The following ILDR2 variants were observed in gnomAD, a reference collection of about 807,000 sequenced individuals.
ILDR2 encodes the protein immunoglobulin-like domain-containing receptor 2.
Under a neutral mutation model 66.8 loss-of-function variants are expected in ILDR2, and 25 were observed. That is an observed-to-expected ratio of 0.37 (90% CI 0.27 to 0.52). The LOEUF is 0.52. Ranked by LOEUF, ILDR2 falls within the 20% of genes least tolerant of loss-of-function variation. The probability of loss-of-function intolerance (pLI) is 0.88; values close to 1 mark genes in which losing one functional copy is unlikely to be tolerated. For missense variants in ILDR2, 827 were observed against 876.8 expected (o/e 0.94, Z 0.72); for synonymous variants, 367 against 357.2 (o/e 1.03, Z -0.31).
intron 5 of ILDR2, 76 bp from the exon 6 acceptor site, chr1:166,935,553 G>A: frequency 1.5e-6 from 2 of 1,374,210 alleles, no homozygotes; most frequent in Non-Finnish European, 2.0e-6. Flanking sequence ...AATCCCTGAG[G>A]ATGCACTTCA....
rs1395509365 is a variant in ILDR2, at chr1:166,896,979, A to G, written n.172-878T>C. Among the ~76,000 whole-genome samples the G allele has an allele frequency of 2.0e-5, 3 of 152,212 alleles. No individual in the cohort carries two copies. In the East Asian group the frequency reaches 5.8e-4, roughly 29 times the overall value. On this transcript the variant is annotated intron_variant and non_coding_transcript_variant, in intron 2 of 2. Transcript: ENST00000414590. ...AAATTAGGCTCCCAGAAACTTTGAA[A>G]TTACATATGCAGCTTACATTATGTT...
chr1:166,969,720 G>A (rs1327797832), intron 1 of ILDR2, among the ~76,000 whole-genome samples: 1 of 152,184 alleles, frequency 6.6e-6, no homozygotes, highest in Non-Finnish European at 1.5e-5. Context: ...CCCCATAATA[G>A]ACACCATGTA....
At chr1:166,956,339 G>C (rs1348975593) in intron 3 of ILDR2, among the ~76,000 whole-genome samples, 2 of 152,178 alleles carry the variant, frequency 1.3e-5, no homozygotes, top group Non-Finnish European at 2.9e-5. Flanking sequence ...TGTCTCCAGA[G>C]GTTCTGACAC....
Position 166,914,116 on chromosome 1 carries a change from CAAA to C in ILDR2, c.*5236_*5238del, listed in dbSNP as rs11443216. 5.2e-5 allele frequency: 7 copies of C among 135,676 alleles called. No homozygotes were observed. Among genetic ancestry groups the C allele is most frequent in the Non-Finnish European group, 4.7e-5 (3 of 64,076 alleles). The allele number at this position is 135,676 out of a possible 1,614,324, so 8.4% of individuals were successfully genotyped here. ...TGGGCCACAGAGCAAGACCCTGTCT[CAAA>C]AAAAAAAAAAAGAAAGAAAAAGAAA... is the stretch of plus-strand genomic sequence containing the variant. On this transcript the variant is annotated 3_prime_UTR_variant, in exon 10 of 10. Transcript: ENST00000271417.
intron 1 of ILDR2, among the ~76,000 whole-genome samples, chr1:166,968,897 T>C (rs1337292903): frequency 2.0e-5 from 3 of 152,086 alleles, no homozygotes; most frequent in Non-Finnish European, 4.4e-5. Flanking sequence ...TGACTACAGG[T>C]CTCATATAAT....
At chr1:166,895,877 G>A (rs952476013) in exon 3 of ILDR2, 1 of 152,192 alleles carries the variant, frequency 6.6e-6, no homozygotes, top group Non-Finnish European at 1.5e-5. Flanking sequence ...CCGATAAACT[G>A]CAGGGAACTT....
At chr1:166,926,578 C>T (rs1660308339) in intron 7 of ILDR2, among the ~76,000 whole-genome samples, 1 of 151,754 alleles carries the variant, frequency 6.6e-6, no homozygotes, top group African/African-American at 2.4e-5. Context: ...AGGCTAGCAC[C>T]CTTCACGTTG....
At chr1:166,971,322 C>T (rs1571219860) in intron 1 of ILDR2, among the ~76,000 whole-genome samples, 1 of 152,310 alleles carries the variant, frequency 6.6e-6, no homozygotes, top group South Asian at 2.1e-4. Flanking sequence ...TCAGCTATCA[C>T]GTTTTCTGGG....
chr1:166,949,222 A>C (rs1454680049), intron 3 of ILDR2, among the ~76,000 whole-genome samples: 4 of 152,262 alleles, frequency 2.6e-5, no homozygotes, highest in Admixed American at 6.5e-5. Flanking sequence ...ACAGCATCCC[A>C]CAAGTTGTGA....
At chr1:166,942,247 A>G (rs1661353614) in intron 3 of ILDR2, among the ~76,000 whole-genome samples, 1 of 152,220 alleles carries the variant, frequency 6.6e-6, no homozygotes, top group Non-Finnish European at 1.5e-5. Flanking sequence ...GTCACTCTAT[A>G]TCACTTTTAG....
chr1:166,921,007 G>A lies in ILDR2; in HGVS notation c.1584C>T (p.Tyr528=), dbSNP rs1280837394. ...PGTAPKYDHS[Y]LGSARERQAR... ...CCTGGCGCTCCCGCGCGCTGCCCAGGTACGAGTGGTCGTATTTGGGTGCGG... is the reference window on the plus strand; with the variant it reads ...CCTGGCGCTCCCGCGCGCTGCCCAGATACGAGTGGTCGTATTTGGGTGCGG... The change falls in exon 9 of 10, where the codon TAC becomes TAT. Residue 528 remains tyrosine, a synonymous_variant. Transcript: ENST00000271417. The surrounding 1 kb of genome is among the most constrained non-coding windows in gnomAD (Gnocchi z 5.3). 23 of 1,512,684 alleles carry A rather than the reference G, an allele frequency of 1.5e-5. No individual in the cohort carries two copies. The highest frequency in any genetic ancestry group is 2.7e-5 in the East Asian group (1 of 37,346). 93.7% of individuals were successfully genotyped at this position (1,512,684 alleles called of 1,614,324 possible).
Position 166,902,925 on chromosome 1 carries a change from C to A in ILDR2, n.171+4128G>T, listed in dbSNP as rs1158669073. On this transcript the variant is annotated intron_variant and non_coding_transcript_variant, in intron 2 of 2. Coordinates refer to the ILDR2 transcript ENST00000414590. ...TTTTTTTCCTTTTCCTTCACTGTCT[C>A]CAAAATTGAATAAATCAACAAGCCT... Among the ~76,000 whole-genome samples the A allele has an allele frequency of 3.3e-5, 5 of 152,092 alleles. No individual in the cohort carries two copies. In the South Asian group the frequency reaches 1.0e-3, roughly 32 times the overall value.
intron 3 of ILDR2, among the ~76,000 whole-genome samples, chr1:166,940,280 G>A (rs1203627051): frequency 6.6e-6 from 1 of 152,178 alleles, no homozygotes; most frequent in African/African-American, 2.4e-5. Context: ...AGGACTCTGG[G>A]AAGCAAAGAG....
chr1:166,950,369 C>G (rs1162219140), intron 3 of ILDR2, among the ~76,000 whole-genome samples: 1 of 152,102 alleles, frequency 6.6e-6, no homozygotes, highest in Non-Finnish European at 1.5e-5. Context: ...GTCAAATCTC[C>G]TTGGTTAGCG....
At chr1:166,919,566 G>A (rs1335858321) in intron 9 of ILDR2, among the ~76,000 whole-genome samples, 176 bp from the exon 10 acceptor site, 4 of 152,196 alleles carry the variant, frequency 2.6e-5, no homozygotes, top group Non-Finnish European at 4.4e-5. Flanking sequence ...AGAGGCTAAA[G>A]CCAGCATACA....
intron 1 of ILDR2, among the ~76,000 whole-genome samples, chr1:166,961,013 T>C (rs1175354432): frequency 6.6e-6 from 1 of 152,232 alleles, no homozygotes; most frequent in Non-Finnish European, 1.5e-5. Context: ...ACCATTCCCA[T>C]ACAAGGCTGT....
chr1:166,914,236 C>T lies in ILDR2; in HGVS notation c.*5119G>A, dbSNP rs1253825887. ...TAGTTGGATGAAGCAGCAACAGTAT[C>T]TGTCTTCATGGCTTCGCCACATCCA... On this transcript the variant is annotated 3_prime_UTR_variant, in exon 10 of 10. Coordinates refer to ENST00000271417, the MANE Select transcript of ILDR2 (RefSeq NM_199351.3). 6.6e-6 allele frequency: 1 copy of T among 152,212 alleles called. No individual in the cohort carries two copies. Among genetic ancestry groups the T allele is most frequent in the Non-Finnish European group, 1.5e-5 (1 of 68,042 alleles). The allele number at this position is 152,212 out of a possible 1,614,324, so 9.4% of individuals were successfully genotyped here.
chr1:166,939,559 G>C lies in ILDR2; in HGVS notation c.511C>G (p.Leu171Val), dbSNP rs1450949967. The change falls in exon 4 of 10, where the codon CTG (leucine) becomes GTG (valine). Residue 171 changes from leucine (L) to valine (V), a missense_variant. Leu to Val is a conservative substitution (Grantham distance 32). Coordinates refer to ENST00000271417, the MANE Select transcript of ILDR2 (RefSeq NM_199351.3). Reference protein sequence around the residue: ...VELLVLGRTGLLADLLPSFAV... With the variant: ...VELLVLGRTGVLADLLPSFAV... ...AAACTGGGCAAGAGATCAGCAAGCAGCCCTGTCCTGCCTAGAAGAAGTGGA... is the reference window on the plus strand; with the variant it reads ...AAACTGGGCAAGAGATCAGCAAGCACCCCTGTCCTGCCTAGAAGAAGTGGA... The C allele has an allele frequency of 1.9e-6, 3 of 1,613,846 alleles. No individual in the cohort carries two copies. Among genetic ancestry groups the C allele is most frequent in the Non-Finnish European group, 2.5e-6 (3 of 1,179,720 alleles).
chr1:166,897,076 T>A (rs1659181585), intron 2 of ILDR2, among the ~76,000 whole-genome samples: 1 of 152,204 alleles, frequency 6.6e-6, no homozygotes, highest in Non-Finnish European at 1.5e-5. Flanking sequence ...AATATGATCA[T>A]GTTGGGGCTT....
Sources: gnomAD v4.1 joint callset for allele counts (sites outside exome capture counted in the v4.1 genomes callset) on GRCh38, gnomAD v4.1.1 for gene constraint, Gnocchi (gnomAD v3.1) non-coding constraint, MANE v1.5 for transcripts, NCBI Gene and HGNC (gene_info 2026-07-23, HGNC 2026-07-21) for gene names.